The following ANXA4 variants were observed in gnomAD, a reference collection of about 807,000 sequenced individuals.
ANXA4 encodes the protein 35-beta calcimedin.
A neutral mutation model predicts 49.8 loss-of-function variants in ANXA4; 39 were observed. The ratio of observed to expected loss-of-function variants is 0.78; its 90% CI spans 0.61 to 1.02. The LOEUF is 1.02. ANXA4 is among the 50% of genes least tolerant of loss of function. ANXA4 has a pLI of 0.00. For missense variants in ANXA4, 360 were observed against 410.1 expected, an observed-to-expected ratio of 0.88 and a Z score of 1.05; for synonymous variants, 134 against 152.5, an observed-to-expected ratio of 0.88 and a Z score of 0.89.
chr2:69,764,250 TA>T (rs1472974017), intron 1 of ANXA4, among the ~76,000 whole-genome samples: 1 of 152,194 alleles, frequency 6.6e-6, no homozygotes, highest in Non-Finnish European at 1.5e-5. Flanking sequence ...CACTCACCTG[TA>T]ATAGTTTACC....
chr2:69,789,071 A>T (rs1440232934), intron 3 of ANXA4, among the ~76,000 whole-genome samples: 1 of 152,186 alleles, frequency 6.6e-6, no homozygotes, highest in Non-Finnish European at 1.5e-5. Context: ...ATGAATCTGC[A>T]TATTAAATTT....
At chr2:69,790,795 G>A (rs1672658067) in intron 3 of ANXA4, among the ~76,000 whole-genome samples, 1 of 152,238 alleles carries the variant, frequency 6.6e-6, no homozygotes, top group South Asian at 2.1e-4. Flanking sequence ...TTGGTTGACA[G>A]GAGTAAGCAG....
At chr2:69,818,771 T>C (rs575411357) in intron 10 of ANXA4, 77 bp downstream of exon 10, 29 of 890,172 alleles carry the variant, frequency 3.3e-5, no homozygotes, top group Middle Eastern at 2.3e-4. Context: ...TATGGGGATA[T>C]AGAATTATTT....
rs1205535061 is a variant in ANXA4 at position 69,818,581 on chromosome 2, T to C, written c.629-18T>C. The C allele has an allele frequency of 3.9e-6, 6 of 1,528,798 alleles. No individual in the cohort carries two copies. Among genetic ancestry groups the C allele is most frequent in the Non-Finnish European group, 5.3e-6 (6 of 1,124,108 alleles). The allele number at this position is 1,528,798 out of a possible 1,614,324, so 94.7% of individuals were successfully genotyped here. A position where few individuals can be genotyped will look rare whatever the true frequency, so the allele number is the denominator to read the frequency against. On this transcript the variant is annotated intron_variant, in intron 9 of 12. Coordinates refer to ENST00000394295, the MANE Select transcript of ANXA4 (RefSeq NM_001153.5). ...CTGTTTTTTCTTCCCAATAATACTATTTTGTTATTGTCTGCAGTGTTTGAT... is the reference window on the plus strand; with the variant it reads ...CTGTTTTTTCTTCCCAATAATACTACTTTGTTATTGTCTGCAGTGTTTGAT...
chr2:69,801,772 A>G (rs4853025), intron 3 of ANXA4, among the ~76,000 whole-genome samples: 51,180 of 151,934 alleles, frequency 0.34, 9,837 homozygotes, highest in African/African-American at 0.49. Context: ...TGCAAAGCAG[A>G]AGTAGGCTGG....
chr2:69,695,036 G>A (rs1279794387), intron 2 of ANXA4, among the ~76,000 whole-genome samples: 2 of 152,086 alleles, frequency 1.3e-5, no homozygotes, highest in African/African-American at 2.4e-5. Context: ...CAGCTACTCA[G>A]GAGGCTGAGA....
chr2:69,712,621 C>T (rs1234092242), intron 2 of ANXA4, among the ~76,000 whole-genome samples: 1 of 152,076 alleles, frequency 6.6e-6, no homozygotes, highest in Non-Finnish European at 1.5e-5. Flanking sequence ...TATGGATTCA[C>T]AAAAGATAAT....
chr2:69,678,219 T>G (rs1677473801), intron 2 of ANXA4, among the ~76,000 whole-genome samples: 1 of 152,186 alleles, frequency 6.6e-6, no homozygotes, highest in Admixed American at 6.5e-5. Flanking sequence ...GGTGATCTGC[T>G]TCTTTGTGTA....
chr2:69,643,967 C>T, upstream of ANXA4: 1 of 970,394 alleles, frequency 1.0e-6, no homozygotes, highest in Non-Finnish European at 1.3e-6. Context: ...TGATATCACC[C>T]GAGCCGCAGG....
chr2:69,788,153 G>A lies in ANXA4; in HGVS notation c.97+12G>A, dbSNP rs1322612230. 1 of 1,610,338 alleles carries A rather than the reference G, an allele frequency of 6.2e-7. No homozygotes were observed. The highest frequency in any genetic ancestry group is 1.1e-5 in the South Asian group (1 of 90,988). Reference sequence around the variant, plus strand: ...CATGAAAGGGCTCGGTATGTGTCCTGCTGGAAGTGAATCCTCCTGCGTGCA... The same window carrying A: ...CATGAAAGGGCTCGGTATGTGTCCTACTGGAAGTGAATCCTCCTGCGTGCA... On this transcript the variant is annotated intron_variant, in intron 3 of 12. Transcript: ENST00000394295.
At chr2:69,685,461 A>G (rs1677754891) in intron 2 of ANXA4, among the ~76,000 whole-genome samples, 1 of 152,230 alleles carries the variant, frequency 6.6e-6, no homozygotes, top group East Asian at 1.9e-4. Context: ...GCTGGCTAAC[A>G]AACTGTAAAG....
upstream of ANXA4, among the ~76,000 whole-genome samples, chr2:69,738,031 TAGTATA>T (rs1294385468): frequency 6.6e-6 from 1 of 152,190 alleles, no homozygotes; most frequent in East Asian, 1.9e-4. Flanking sequence ...GAATAATTTT[TAGTATA>T]AGTATGTCTC....
At chr2:69,703,743 A>C (rs933267848) in intron 2 of ANXA4, among the ~76,000 whole-genome samples, 9 of 152,182 alleles carry the variant, frequency 5.9e-5, no homozygotes, top group African/African-American at 1.4e-4. Flanking sequence ...TTCTCATTTT[A>C]GTTTATTTCT....
At chr2:69,762,278 T>C (rs1168102282) in intron 1 of ANXA4, among the ~76,000 whole-genome samples, 1 of 152,068 alleles carries the variant, frequency 6.6e-6, no homozygotes, top group Non-Finnish European at 1.5e-5. Flanking sequence ...CAACAGCTAC[T>C]TGGGAGGCTG....
intron 8 of ANXA4, among the ~76,000 whole-genome samples, chr2:69,813,409 C>T (rs761306987): frequency 2.0e-5 from 3 of 152,174 alleles, no homozygotes; most frequent in South Asian, 2.1e-4. Context: ...CCACCATACC[C>T]GGCTAATTTT....
At chr2:69,807,249 G>A (rs2103823805) in intron 5 of ANXA4, among the ~76,000 whole-genome samples, 1 of 152,202 alleles carries the variant, frequency 6.6e-6, no homozygotes, top group East Asian at 1.9e-4. Flanking sequence ...TCTCTAGACA[G>A]CTAACTACTT....
intron 2 of ANXA4, among the ~76,000 whole-genome samples, chr2:69,655,241 A>G (rs1315992547): frequency 1.3e-5 from 2 of 152,196 alleles, no homozygotes; most frequent in African/African-American, 4.8e-5. Flanking sequence ...TGAACAGGCA[A>G]CCTAGAGAAT....
chr2:69,727,624 A>T (rs1411216454), intron 3 of ANXA4, among the ~76,000 whole-genome samples: 1 of 152,066 alleles, frequency 6.6e-6, no homozygotes, highest in Non-Finnish European at 1.5e-5. Context: ...CAAAAATTTA[A>T]TTTTTTCTTT....
intron 3 of ANXA4, among the ~76,000 whole-genome samples, chr2:69,803,723 G>T (rs1673315118): frequency 6.6e-6 from 1 of 151,856 alleles, no homozygotes; most frequent in South Asian, 2.1e-4. Context: ...CCAAATTGGT[G>T]AATTAACAGA....
Sources: gnomAD v4.1 joint callset for allele counts (sites outside exome capture counted in the v4.1 genomes callset) on GRCh38, gnomAD v4.1.1 for gene constraint, MANE v1.5 for transcripts, NCBI Gene and HGNC (gene_info 2026-07-23, HGNC 2026-07-21) for gene names.